Variants in RIMS1 observed in about 807,000 individuals in gnomAD.
RIMS1 encodes regulating synaptic membrane exocytosis protein 1.
RIMS1 carries 83 observed loss-of-function variants against 214.1 expected under a neutral mutation model. The ratio of observed to expected loss-of-function variants is 0.39; its 90% CI spans 0.32 to 0.47. The LOEUF (loss-of-function observed/expected upper bound fraction) is 0.47. RIMS1 is among the 20% of genes least tolerant of loss of function. The pLI, the probability that RIMS1 is intolerant of heterozygous loss-of-function variation, is 0.99. For synonymous variants in RIMS1, 793 were observed against 786.8 expected (o/e 1.01, Z -0.13); for missense variants, 2,050 against 2,161.8 (o/e 0.95, Z 1.03).
intron 23 of RIMS1, among the ~76,000 whole-genome samples, chr6:72,280,288 T>C (rs1056211357): frequency 6.6e-6 from 1 of 151,966 alleles, no homozygotes; most frequent in Non-Finnish European, 1.5e-5. Context: ...AGAAAGTAAT[T>C]CATTTTAGTA....
intron 4 of RIMS1, among the ~76,000 whole-genome samples, chr6:72,125,082 C>T (rs574395335): frequency 1.2e-4 from 19 of 152,286 alleles, no homozygotes; most frequent in African/African-American, 4.6e-4. Flanking sequence ...GAATTTTTAG[C>T]TTTTCTGCTC....
chr6:72,306,389 G>A (rs1012646052), intron 26 of RIMS1, among the ~76,000 whole-genome samples: 5 of 152,020 alleles, frequency 3.3e-5, no homozygotes, highest in African/African-American at 7.2e-5. Context: ...CTTTTGAGTC[G>A]TTTACCCTAC....
At chr6:72,033,271 A>G (rs12529081) in intron 2 of RIMS1, among the ~76,000 whole-genome samples, 17,721 of 152,234 alleles carry the variant, frequency 0.12, 1,201 homozygotes, top group South Asian at 0.17. Flanking sequence ...TGCATGTTAC[A>G]GTATGCTGAC....
At chr6:71,997,421 C>A (rs1465224841) in intron 2 of RIMS1, among the ~76,000 whole-genome samples, 1 of 152,078 alleles carries the variant, frequency 6.6e-6, no homozygotes, top group African/African-American at 2.4e-5. Flanking sequence ...AATAAAATAG[C>A]CATTTAAAAT....
intron 1 of RIMS1, among the ~76,000 whole-genome samples, chr6:71,933,639 T>C (rs1227459537): frequency 1.3e-5 from 2 of 151,112 alleles, no homozygotes; most frequent in Non-Finnish European, 2.9e-5. Flanking sequence ...GGATTTTAGC[T>C]GCCCTACTTC....
chr6:72,235,103 T>C (rs1272643700), intron 7 of RIMS1, among the ~76,000 whole-genome samples: 1 of 152,098 alleles, frequency 6.6e-6, no homozygotes, highest in Non-Finnish European at 1.5e-5. Flanking sequence ...ATTGTACATA[T>C]TTATGCAGTG....
chr6:72,260,812 C>T (rs2077641134), intron 19 of RIMS1, 45 bp downstream of exon 19: 4 of 1,603,194 alleles, frequency 2.5e-6, no homozygotes, highest in Non-Finnish European at 2.6e-6. Context: ...TGATGACTCT[C>T]TTTCCATTCT....
At chr6:72,136,005 AAC>A (rs1396987658) in intron 4 of RIMS1, among the ~76,000 whole-genome samples, 1 of 152,218 alleles carries the variant, frequency 6.6e-6, no homozygotes, top group Non-Finnish European at 1.5e-5. Context: ...ACCAAATAAA[AAC>A]AGTCTGCTGA....
At chr6:72,201,701 G>C (rs1230986402) in intron 6 of RIMS1, among the ~76,000 whole-genome samples, 1 of 152,172 alleles carries the variant, frequency 6.6e-6, no homozygotes, top group East Asian at 1.9e-4. Flanking sequence ...CATTTACTCA[G>C]TCCTTCTACT....
intron 6 of RIMS1, among the ~76,000 whole-genome samples, chr6:72,200,568 T>C (rs1452485784): frequency 6.6e-6 from 1 of 152,168 alleles, no homozygotes; most frequent in Non-Finnish European, 1.5e-5. Flanking sequence ...GCACTAATGC[T>C]CAACAGTTTT....
intron 29 of RIMS1, among the ~76,000 whole-genome samples, chr6:72,388,201 A>T (rs188840279): frequency 6.6e-6 from 1 of 152,256 alleles, no homozygotes; most frequent in Non-Finnish European, 1.5e-5. Flanking sequence ...AAGGGATACT[A>T]TACAAAGCCT....
At chr6:72,118,837 G>A (rs527882718) in intron 4 of RIMS1, among the ~76,000 whole-genome samples, 3 of 151,452 alleles carry the variant, frequency 2.0e-5, no homozygotes, top group East Asian at 3.9e-4. Flanking sequence ...AGTAATAAAA[G>A]CCCTATATGA....
chr6:72,041,036 A>G (rs1328607865), intron 2 of RIMS1, among the ~76,000 whole-genome samples: 1 of 151,948 alleles, frequency 6.6e-6, no homozygotes. Flanking sequence ...ATTTGTTTTT[A>G]GAGTATAATG....
At chr6:71,941,288 GA>G (rs1361107166) in intron 1 of RIMS1, among the ~76,000 whole-genome samples, 3 of 150,542 alleles carry the variant, frequency 2.0e-5, no homozygotes, top group Non-Finnish European at 3.0e-5. Flanking sequence ...ACTACTTAAA[GA>G]TAATTACTGT....
rs9446566 is a variant in RIMS1 at position 72,098,280 on chromosome 6, T to C, written c.459+1118T>C. Reference sequence around the variant, plus strand: ...AGTGGACTTAAGACACTGAGTATGATCAATATATCTTTTTTTTTTTTTTTC... The same window carrying C: ...AGTGGACTTAAGACACTGAGTATGACCAATATATCTTTTTTTTTTTTTTTC... On this transcript the variant is annotated intron_variant, in intron 3 of 33. Transcript: ENST00000521978. Among the ~76,000 whole-genome samples the C allele has an allele frequency of 4.3e-3, 648 of 149,602 alleles. 5 individuals carry two copies. The highest frequency in any genetic ancestry group is 0.015 in the African/African-American group (635 of 41,136).
intron 29 of RIMS1, among the ~76,000 whole-genome samples, chr6:72,343,020 A>G (rs1223328745): frequency 4.6e-5 from 7 of 151,840 alleles, no homozygotes; most frequent in African/African-American, 1.7e-4. Context: ...ATTAATTGGT[A>G]TGAATAAAAT....
At chr6:71,992,404 C>CTTTCTTTCTT (rs200339642) in intron 2 of RIMS1, among the ~76,000 whole-genome samples, 4,979 of 110,010 alleles carry the variant, frequency 0.045, 124 homozygotes, top group Non-Finnish European at 0.056. Flanking sequence ...TTCTCTCTCT[C>CTTTCTTTCTT]TCTTTCTTTC....
chr6:72,339,860 A>G (rs898783109), intron 29 of RIMS1, among the ~76,000 whole-genome samples: 73 of 152,070 alleles, frequency 4.8e-4, no homozygotes, highest in African/African-American at 1.7e-3. Context: ...GAATTGCCAC[A>G]CTGACTTCCA....
In RIMS1 at chr6:72,307,983, T is replaced by C. The variant is rs76507104; in HGVS notation, c.3963+613T>C. ...TAAATAAGCAAGATATATGAAGCCA[T>C]TTTGTTGCTTGAACATTATTTAAAT... On this transcript the variant is annotated intron_variant, in intron 27 of 33. Transcript: ENST00000521978. Among the ~76,000 whole-genome samples, 781 of 152,256 alleles carry C rather than the reference T, an allele frequency of 5.1e-3. 5 individuals carry two copies. The highest frequency in any genetic ancestry group is 0.017 in the African/African-American group (719 of 41,576).
Sources: gnomAD v4.1 joint callset for allele counts (sites outside exome capture counted in the v4.1 genomes callset) on GRCh38, gnomAD v4.1.1 for gene constraint, MANE v1.5 for transcripts, NCBI Gene and HGNC (gene_info 2026-07-23, HGNC 2026-07-21) for gene names.